AXL: variants seen among roughly 807,000 people sequenced by gnomAD.
AXL encodes the protein AXL receptor tyrosine kinase.
In AXL, 52 loss-of-function variants were observed where a neutral mutation model predicts 104.5. That is an observed-to-expected ratio of 0.50 (90% CI 0.40 to 0.63). The LOEUF is 0.63. Ranked by LOEUF, AXL falls within the 20% of genes least tolerant of loss-of-function variation. AXL has a pLI of 0.00. For synonymous variants in AXL, 455 were observed against 473.7 expected (o/e 0.96, Z 0.51); for missense variants, 1,024 against 1,188.5 (o/e 0.86, Z 2.04).
chr19:41,252,304 C>A, intron 14 of AXL, 47 bp from the exon 15 acceptor site: 4 of 1,453,718 alleles, frequency 2.8e-6, no homozygotes, highest in African/African-American at 1.4e-5. Context: ...GAGGGAGAGT[C>A]CTCCCTCTCC....
chr19:41,256,508 A>G lies in AXL; in HGVS notation c.2093A>G (p.Tyr698Cys). Residue 698 changes from tyrosine to cysteine, a missense_variant, in exon 18 of 20, where the codon TAC becomes TGC. By Grantham distance (194) the Tyr-to-Cys change is radical. This residue lies in a region of AXL where 523 missense variants were observed against 636.0 expected (regional missense o/e 0.82). Coordinates refer to ENST00000301178, the MANE Select transcript of AXL (RefSeq NM_021913.5). ...VADFGLSKKIYNGDYYRQGRI... is the reference protein window; with the variant it reads ...VADFGLSKKICNGDYYRQGRI... ...GACTTCGGGCTCTCCAAGAAGATCTACAATGGGGACTACTACCGCCAGGGA... is the reference window on the plus strand; with the variant it reads ...GACTTCGGGCTCTCCAAGAAGATCTGCAATGGGGACTACTACCGCCAGGGA... The G allele has an allele frequency of 6.2e-7, 1 of 1,614,230 alleles. No homozygotes were observed. The highest frequency in any genetic ancestry group is 8.5e-7 in the Non-Finnish European group (1 of 1,180,034).
intron 12 of AXL, among the ~76,000 whole-genome samples, chr19:41,244,275 AATG>A (rs930463780): frequency 2.0e-5 from 3 of 152,102 alleles, no homozygotes; most frequent in Admixed American, 2.0e-4. Flanking sequence ...TAGAAGATGT[AATG>A]ATGATGATAA....
chr19:41,243,741 G>A, intron 12 of AXL, 34 bp downstream of exon 12: 1 of 1,576,354 alleles, frequency 6.3e-7, no homozygotes, highest in Non-Finnish European at 8.7e-7. Flanking sequence ...GCCCTGGCCT[G>A]GATCTAAAGG....
chr19:41,257,142 C>T (rs763066663), intron 18 of AXL, among the ~76,000 whole-genome samples: 34 of 152,276 alleles, frequency 2.2e-4, no homozygotes, highest in Admixed American at 6.5e-4. Context: ...CTCCCGGGTT[C>T]AAGCAATTCT....
chr19:41,242,858 ACCTGTT>A lies in AXL; in HGVS notation c.1313-21_1313-16del. ...AGCTGGATCCAAGGCTTCATCCATG[ACCTGTT>A]CCTCATACCCCCTGATAGTGAAGGA... On this transcript the variant is annotated intron_variant, in intron 10 of 19. Transcript: ENST00000301178. 6.2e-7 allele frequency: 1 copy of A among 1,613,816 alleles called. No individual in the cohort carries two copies. The highest frequency in any genetic ancestry group is 1.3e-5 in the African/African-American group (1 of 74,988).
At chr19:41,243,141 A>G in intron 11 of AXL, 126 bp downstream of exon 11, 2 of 1,395,602 alleles carry the variant, frequency 1.4e-6, no homozygotes, top group African/African-American at 1.4e-5. Flanking sequence ...AAGGGAAGCC[A>G]GGCGTGGTGG....
intron 10 of AXL, 27 bp from the exon 11 acceptor site, chr19:41,242,856 T>C: frequency 1.2e-6 from 2 of 1,613,718 alleles, no homozygotes; most frequent in Non-Finnish European, 1.7e-6. Flanking sequence ...GCTTCATCCA[T>C]GACCTGTTCC....
In AXL at chr19:41,253,756, C is replaced by T. The variant is rs1430145731; in HGVS notation, c.2036+48C>T. The stretch of plus-strand genomic sequence containing the variant: ...CCCCCCCCAACTGCTCCTGCACTCC[C>T]TGAGGGAGTTCCCTCCCTCCTTCTT... On this transcript the variant is annotated intron_variant, in intron 17 of 19. Transcript: ENST00000301178. The T allele has an allele frequency of 2.8e-6, 4 of 1,436,158 alleles. No homozygotes were observed. The African/African-American group carries it at 4.2e-5, about 15-fold the overall frequency. 89.0% of individuals were successfully genotyped at this position (1,436,158 alleles called of 1,614,324 possible). A position where few individuals can be genotyped will look rare whatever the true frequency, so the allele number is the denominator to read the frequency against.
intron 6 of AXL, among the ~76,000 whole-genome samples, chr19:41,232,332 C>G (rs1338173959): frequency 6.6e-6 from 1 of 152,036 alleles, no homozygotes; most frequent in Non-Finnish European, 1.5e-5. Context: ...ATAAGAAAAC[C>G]AAAACCAGGC....
intron 4 of AXL, 150 bp from the exon 5 acceptor site, chr19:41,230,817 T>C: frequency 1.3e-6 from 1 of 794,578 alleles, no homozygotes; most frequent in Non-Finnish European, 2.1e-6. Context: ...CTCATTGCCC[T>C]CAACTCTGCT....
At chr19:41,239,597 CACTCCCTTACCCGTGCCACACCCTT>C (rs1365050599) in intron 9 of AXL, 72 bp from the exon 10 acceptor site, 12 of 1,423,398 alleles carry the variant, frequency 8.4e-6, no homozygotes, top group South Asian at 5.1e-5. Flanking sequence ...GCCACACCCT[CACTCCCTTACCCGTGCCACACCCTT>C]ACTCCCTTAC....
chr19:41,220,476 G>A (rs2033768888), intron 1 of AXL, 160 bp from the exon 2 acceptor site: 1 of 627,534 alleles, frequency 1.6e-6, no homozygotes, highest in East Asian at 2.8e-5. Flanking sequence ...TCCTCTCAGA[G>A]CCTCCGCCCT....
intron 18 of AXL, among the ~76,000 whole-genome samples, 163 bp downstream of exon 18, chr19:41,256,774 C>T (rs1469960121): frequency 6.6e-6 from 1 of 151,358 alleles, no homozygotes; most frequent in Non-Finnish European, 1.5e-5. Context: ...GTATGGTGGG[C>T]ATCTCTGAAT....
chr19:41,253,491 A>T, intron 16 of AXL, 108 bp from the exon 17 acceptor site: 1 of 825,308 alleles, frequency 1.2e-6, no homozygotes, highest in South Asian at 1.6e-5. Context: ...TGTCAGGGCC[A>T]TGGGAAACCA....
At chr19:41,221,581 C>A in intron 3 of AXL, 1 of 501,404 alleles carries the variant, frequency 2.0e-6, no homozygotes, top group Non-Finnish European at 3.5e-6. Flanking sequence ...CCCCTGTCCC[C>A]ACGACCCCAG....
In AXL at chr19:41,260,023, T is replaced by A; in HGVS notation, c.*119T>A. 1 of 921,240 alleles carries A rather than the reference T, an allele frequency of 1.1e-6. No individual in the cohort carries two copies. Among genetic ancestry groups the A allele is most frequent in the East Asian group, 2.7e-5 (1 of 36,964 alleles). 57.1% of individuals were successfully genotyped at this position (921,240 alleles called of 1,614,324 possible). On this transcript the variant is annotated 3_prime_UTR_variant, in exon 20 of 20. Coordinates refer to ENST00000301178, the MANE Select transcript of AXL (RefSeq NM_021913.5). ...ATCCCCACTTGCAGCCCTGTCTTCC[T>A]ACCTATCCCACCTCCATCCCAGACA...
chr19:41,229,162 G>A (rs978841480), intron 4 of AXL, among the ~76,000 whole-genome samples: 5 of 152,104 alleles, frequency 3.3e-5, no homozygotes, highest in African/African-American at 1.2e-4. Context: ...TGTTGGCCAG[G>A]CTGGTCTCGA....
At chr19:41,228,759 GC>G (rs2033925906) in intron 4 of AXL, among the ~76,000 whole-genome samples, 2 of 152,108 alleles carry the variant, frequency 1.3e-5, no homozygotes, top group African/African-American at 4.8e-5. Flanking sequence ...CACAACCCCT[GC>G]CCTCCTAGAG....
At chr19:41,223,701 G>A (rs916220055) in intron 4 of AXL, among the ~76,000 whole-genome samples, 3 of 152,106 alleles carry the variant, frequency 2.0e-5, no homozygotes, top group African/African-American at 7.2e-5. Context: ...CCCCAGAGGA[G>A]TGACTCAGGC....
Sources: gnomAD v4.1 joint callset for allele counts (sites outside exome capture counted in the v4.1 genomes callset) on GRCh38, gnomAD v4.1.1 for gene constraint, gnomAD v4.1.1 regional missense constraint, MANE v1.5 for transcripts, NCBI Gene and HGNC (gene_info 2026-07-23, HGNC 2026-07-21) for gene names.